RRP12: variants seen among roughly 807,000 people sequenced by gnomAD.
RRP12 encodes RRP12-like protein.
RRP12 carries 78 observed loss-of-function variants against 157.3 expected under a neutral mutation model. That is an observed-to-expected ratio of 0.50 (90% CI 0.41 to 0.60). The LOEUF (loss-of-function observed/expected upper bound fraction) is 0.60. Ranked by LOEUF, RRP12 falls within the 20% of genes least tolerant of loss-of-function variation. The pLI is 0.00. For synonymous variants in RRP12, 726 were observed against 670.9 expected, an observed-to-expected ratio of 1.08 and a Z score of -1.27; for missense variants, 1,521 against 1,679.9, an observed-to-expected ratio of 0.91 and a Z score of 1.65.
chr10:97,397,057 G>T (rs1844984191), intron 2 of RRP12, among the ~76,000 whole-genome samples: 1 of 152,076 alleles, frequency 6.6e-6, no homozygotes, highest in South Asian at 2.1e-4. Context: ...AAGCCACCAT[G>T]CCTGGCCTCC....
chr10:97,371,833 G>A (rs1844163800), intron 20 of RRP12: 2 of 444,350 alleles, frequency 4.5e-6, no homozygotes, highest in East Asian at 3.3e-5. Flanking sequence ...CATGGCCTTG[G>A]TTCTACAAGA....
Position 97,398,744 on chromosome 10 carries a change from G to A in RRP12, c.369+1561C>T, listed in dbSNP as rs1023751511. 7.2e-5 allele frequency among the ~76,000 whole-genome samples: 11 copies of A among 152,094 alleles called. 1 individual carries two copies. Among genetic ancestry groups the A allele is most frequent in the Admixed American group, 4.6e-4 (7 of 15,266 alleles). On this transcript the variant is annotated intron_variant, in intron 2 of 33. Coordinates refer to ENST00000370992, the MANE Select transcript of RRP12 (RefSeq NM_015179.4). ...TTGTAACAACCTGGCAAATAGGTTC[G>A]TAGTAATTCATAGTAGGCAAATCTA...
intron 15 of RRP12, among the ~76,000 whole-genome samples, chr10:97,376,413 C>G (rs912703953): frequency 1.3e-5 from 2 of 151,624 alleles, no homozygotes; most frequent in African/African-American, 4.8e-5. Context: ...CGGGGTTTCT[C>G]CATGTTGTTT....
At chr10:97,395,582 G>T in intron 3 of RRP12, among the ~76,000 whole-genome samples, 1 of 151,484 alleles carries the variant, frequency 6.6e-6, no homozygotes, top group East Asian at 1.9e-4. Flanking sequence ...CAGGCCTGGT[G>T]GCTCAGGCCT....
At position 97,401,274 on chromosome 10, in the gene RRP12, T is replaced by C. The variant is rs554941616; in HGVS notation, c.-43A>G. ...GAGGAATGAGCTTAAATGACCGGCT[T>C]CCAGGGACGTAGAAACACGCTCAGA... On this transcript the variant is annotated 5_prime_UTR_variant, in exon 1 of 34. Transcript: ENST00000370992. The C allele has an allele frequency of 4.3e-6, 7 of 1,611,312 alleles. No homozygotes were observed. The South Asian group carries it at 6.6e-5, about 15-fold the overall frequency.
intron 30 of RRP12, among the ~76,000 whole-genome samples, chr10:97,360,996 C>T (rs1205095855): frequency 1.3e-5 from 2 of 152,158 alleles, no homozygotes; most frequent in Non-Finnish European, 2.9e-5. Context: ...ATAGCTTTAC[C>T]AGTTCTTTGC....
intron 17 of RRP12, among the ~76,000 whole-genome samples, 156 bp downstream of exon 17, chr10:97,373,417 CAA>C (rs1466417369): frequency 6.6e-6 from 1 of 152,192 alleles, no homozygotes; most frequent in African/African-American, 2.4e-5. Flanking sequence ...AGGGAGCCAG[CAA>C]AGTTATCCCC....
At position 97,379,660 on chromosome 10, in the gene RRP12, C is replaced by A. The variant is rs1564759760; in HGVS notation, c.1644G>T (p.Leu548=). 3.1e-6 allele frequency: 5 copies of A among 1,614,048 alleles called. No homozygotes were observed. Among genetic ancestry groups the A allele is most frequent in the East Asian group, 2.2e-5 (1 of 44,878 alleles). The change falls in exon 14 of 34, where the codon CTG becomes CTT. Residue 548 remains leucine, a synonymous_variant. Transcript: ENST00000370992. ...CATCAATTTCCAAAGGCACAGCCTG[C>A]AGCACCACCTCAGGTCCCATACTGG... ...AVTSMGPEVV[L]QAVPLEIDGS... is the part of the protein sequence containing the mutation.
intron 31 of RRP12, 32 bp downstream of exon 31, chr10:97,360,514 T>A (rs764761824): frequency 6.5e-7 from 1 of 1,542,510 alleles, no homozygotes; most frequent in Non-Finnish European, 9.0e-7. Context: ...CAGGGATCCA[T>A]GTGTCCCAGG....
chr10:97,360,059 T>C (rs946841743), intron 31 of RRP12, among the ~76,000 whole-genome samples: 1 of 152,166 alleles, frequency 6.6e-6, no homozygotes, highest in African/African-American at 2.4e-5. Context: ...TTGGCACTTC[T>C]AGCAGCTGCT....
chr10:97,363,898 C>T lies in RRP12; in HGVS notation c.3523G>A (p.Asp1175Asn). ...MEEEEGAKGE[D>N]EEMADPMEDV... is the part of the protein sequence containing the mutation. ...TCCATTGGGTCAGCCATCTCTTCAT[C>T]TTCGCCTGGAGCCAAAAAAGAGAGG... The change falls in exon 30 of 34, where the codon GAT (aspartate) becomes AAT (asparagine). Residue 1175 changes from aspartate to asparagine, a missense_variant. Transcript: ENST00000370992. 6.2e-7 allele frequency: 1 copy of T among 1,614,100 alleles called. No individual in the cohort carries two copies. Among genetic ancestry groups the T allele is most frequent in the Non-Finnish European group, 8.5e-7 (1 of 1,179,950 alleles).
chr10:97,380,350 C>G (rs1844432280), intron 13 of RRP12, among the ~76,000 whole-genome samples: 1 of 152,292 alleles, frequency 6.6e-6, no homozygotes. Context: ...TCCTCAGGCC[C>G]CCACTCTCTC....
In RRP12 at chr10:97,367,118, C is replaced by T. The variant is rs1844010511; in HGVS notation, c.2970G>A (p.Gly990=). The T allele has an allele frequency of 6.2e-7, 1 of 1,614,172 alleles. No homozygotes were observed. The highest frequency in any genetic ancestry group is 8.5e-7 in the Non-Finnish European group (1 of 1,180,016). ...GCCGCCGCATGTCATCTGAAAGCTT[C>T]CCAATGGCTTCCATCTGCCGGACAG... is the stretch of plus-strand genomic sequence containing the variant. ...KHVQLVMEAI[G]KLSDDMRRHF... The change falls in exon 26 of 34, where the codon GGG becomes GGA. Residue 990 remains glycine, a synonymous_variant. Coordinates refer to ENST00000370992, the MANE Select transcript of RRP12 (RefSeq NM_015179.4).
Position 97,401,309 on chromosome 10 carries a change from G to T in RRP12, c.-78C>A, listed in dbSNP as rs759410028. The T allele has an allele frequency of 6.4e-7, 1 of 1,570,984 alleles. No individual in the cohort carries two copies. Among genetic ancestry groups the T allele is most frequent in the Non-Finnish European group, 8.7e-7 (1 of 1,145,258 alleles). On this transcript the variant is annotated 5_prime_UTR_variant, in exon 1 of 34. Coordinates refer to ENST00000370992, the MANE Select transcript of RRP12 (RefSeq NM_015179.4). ...TAGAAACACGCTCAGAACCCACGTG[G>T]ATACCCTGTAGCCTTCACTTCCTCT...
chr10:97,363,978 T>C, intron 29 of RRP12, 75 bp from the exon 30 acceptor site: 5 of 1,388,442 alleles, frequency 3.6e-6, no homozygotes, highest in Non-Finnish European at 5.1e-6. Flanking sequence ...TGCCCCCTCC[T>C]GGCTCACCAG....
intron 15 of RRP12, among the ~76,000 whole-genome samples, chr10:97,374,207 T>C (rs1223849836): frequency 6.6e-6 from 1 of 152,176 alleles, no homozygotes; most frequent in Non-Finnish European, 1.5e-5. Context: ...TCTCACTTTG[T>C]GGCCTAGGCT....
At chr10:97,396,111 T>A (rs1844955229) in intron 3 of RRP12, 107 bp downstream of exon 3, 1 of 794,490 alleles carries the variant, frequency 1.3e-6, no homozygotes, top group Non-Finnish European at 2.2e-6. Flanking sequence ...TTTCACCTGG[T>A]CAAGGTTGTC....
intron 20 of RRP12, 190 bp from the exon 21 acceptor site, chr10:97,371,271 G>A (rs1431739974): frequency 6.3e-6 from 4 of 634,844 alleles, no homozygotes; most frequent in Non-Finnish European, 8.2e-6. Flanking sequence ...TTGGGGGTGT[G>A]TGCCGTGGGG....
rs896391853 is a variant in RRP12, at chr10:97,394,432, C to A, written c.454-672G>T. Reference sequence around the variant, plus strand: ...AGTTTTTTTGAGAGACAGGGTCTCCCAGGTTGGAGTGCAGTGGTATAATCA... The same window carrying A: ...AGTTTTTTTGAGAGACAGGGTCTCCAAGGTTGGAGTGCAGTGGTATAATCA... On this transcript the variant is annotated intron_variant, in intron 3 of 33. Transcript: ENST00000370992. Among the ~76,000 whole-genome samples, 3 of 152,116 alleles carry A rather than the reference C, an allele frequency of 2.0e-5. No homozygotes were observed. The East Asian group carries it at 5.8e-4, about 29-fold the overall frequency.
Sources: allele counts gnomAD v4.1 joint callset (sites outside exome capture counted in the v4.1 genomes callset), GRCh38; gene constraint gnomAD v4.1.1; transcripts MANE v1.5; gene names NCBI Gene and HGNC (gene_info 2026-07-23, HGNC 2026-07-21).